Variants in PTPRN2 observed in about 807,000 individuals in gnomAD.
PTPRN2 encodes receptor-type tyrosine-protein phosphatase N2.
PTPRN2 carries 74 observed loss-of-function variants against 118.8 expected under a neutral mutation model. That is an observed-to-expected ratio of 0.62 (90% CI 0.52 to 0.76). The LOEUF is 0.76. Among genes scored for constraint, PTPRN2 ranks in the 30% least tolerant of loss-of-function variants. PTPRN2 has a pLI of 0.00. For synonymous variants in PTPRN2, 641 were observed against 608.0 expected (o/e 1.05, Z -0.80); for missense variants, 1,481 against 1,394.4 (o/e 1.06, Z -0.99).
intron 12 of PTPRN2, among the ~76,000 whole-genome samples, chr7:157,795,097 A>T (rs1250190764): frequency 7.7e-6 from 1 of 129,120 alleles, no homozygotes; most frequent in African/African-American, 3.0e-5. Flanking sequence ...TGCACCTGGG[A>T]GGCTCCTGGG....
At chr7:158,298,668 T>G (rs1308805796) in intron 3 of PTPRN2, among the ~76,000 whole-genome samples, 2 of 152,096 alleles carry the variant, frequency 1.3e-5, no homozygotes, top group African/African-American at 4.8e-5. Flanking sequence ...AGGCTTCAGA[T>G]TGGAGGAGGG....
chr7:157,720,989 G>C (rs927093295), intron 12 of PTPRN2, among the ~76,000 whole-genome samples: 5 of 152,266 alleles, frequency 3.3e-5, no homozygotes, highest in African/African-American at 9.6e-5. Flanking sequence ...AGGTAGGTGT[G>C]GGGGCTCGGG....
chr7:158,187,829 G>C (rs1025957645), intron 5 of PTPRN2, among the ~76,000 whole-genome samples: 1 of 152,324 alleles, frequency 6.6e-6, no homozygotes, highest in East Asian at 1.9e-4. Context: ...TAATTATGCT[G>C]AGTAACAGTA....
chr7:157,993,535 G>C (rs1373593637), intron 11 of PTPRN2, among the ~76,000 whole-genome samples: 1 of 152,128 alleles, frequency 6.6e-6, no homozygotes, highest in Non-Finnish European at 1.5e-5. Context: ...TCCCATGAGG[G>C]CTCAGGAAAC....
intron 12 of PTPRN2, among the ~76,000 whole-genome samples, chr7:157,810,272 G>A (rs78198683): frequency 2.8e-3 from 419 of 152,338 alleles, no homozygotes; most frequent in African/African-American, 8.9e-3. Context: ...ACCATCCCCC[G>A]TGATCCCAAA....
chr7:158,486,350 T>C (rs1256107184), intron 2 of PTPRN2, among the ~76,000 whole-genome samples: 1 of 152,246 alleles, frequency 6.6e-6, no homozygotes, highest in East Asian at 1.9e-4. Context: ...TGTGGAGTAG[T>C]TGATTATTAT....
At chr7:158,079,658 G>A (rs529182560) in intron 11 of PTPRN2, among the ~76,000 whole-genome samples, 12 of 152,310 alleles carry the variant, frequency 7.9e-5, no homozygotes, top group African/African-American at 2.2e-4. Context: ...ACCTGATCAC[G>A]GATTTGGTCT....
chr7:157,713,484 T>TA (rs113336542), intron 12 of PTPRN2, among the ~76,000 whole-genome samples: 235 of 148,560 alleles, frequency 1.6e-3, no homozygotes, highest in African/African-American at 4.3e-3. Context: ...GGATACTTTG[T>TA]AAAAAAAAAA....
chr7:157,892,792 T>C (rs1796879166), intron 12 of PTPRN2, among the ~76,000 whole-genome samples: 1 of 152,196 alleles, frequency 6.6e-6, no homozygotes, highest in South Asian at 2.1e-4. Flanking sequence ...TCCAAATATA[T>C]AAACCTCCCG....
At chr7:158,522,719 G>A (rs1824299701) in intron 1 of PTPRN2, among the ~76,000 whole-genome samples, 1 of 152,208 alleles carries the variant, frequency 6.6e-6, no homozygotes, top group African/African-American at 2.4e-5. Flanking sequence ...CGGACCACCG[G>A]AGCCAGCCCA....
At chr7:157,708,455 G>T (rs1449398403) in intron 12 of PTPRN2, among the ~76,000 whole-genome samples, 1 of 152,162 alleles carries the variant, frequency 6.6e-6, no homozygotes, top group Non-Finnish European at 1.5e-5. Flanking sequence ...TCATCCTAAA[G>T]GTTGGGCAGT....
At chr7:158,101,967 C>T (rs1815261408) in intron 10 of PTPRN2, among the ~76,000 whole-genome samples, 1 of 152,134 alleles carries the variant, frequency 6.6e-6, no homozygotes, top group Admixed American at 6.5e-5. Flanking sequence ...GCCCTGAGGT[C>T]CCAGGATCTG....
At chr7:157,709,029 A>G (rs892257507) in intron 12 of PTPRN2, among the ~76,000 whole-genome samples, 2 of 152,196 alleles carry the variant, frequency 1.3e-5, no homozygotes, top group Non-Finnish European at 2.9e-5. Context: ...GCTGGAGACT[A>G]CAGTCTGGAC....
intron 12 of PTPRN2, among the ~76,000 whole-genome samples, chr7:157,691,535 C>T (rs1379768872): frequency 6.6e-6 from 1 of 152,172 alleles, no homozygotes; most frequent in African/African-American, 2.4e-5. Context: ...GGTCCCGATG[C>T]GCGTAGAAAG....
At chr7:157,777,909 C>T (rs1803429566) in intron 12 of PTPRN2, among the ~76,000 whole-genome samples, 1 of 151,564 alleles carries the variant, frequency 6.6e-6, no homozygotes, top group Non-Finnish European at 1.5e-5. Context: ...ATGGTTTAAT[C>T]CATAATATTG....
chr7:158,500,034 A>T (rs1185342567), intron 1 of PTPRN2, among the ~76,000 whole-genome samples: 2 of 38,508 alleles, frequency 5.2e-5, no homozygotes, highest in Non-Finnish European at 1.2e-4. Flanking sequence ...CACTTGAGCT[A>T]AAAAAAAAAA....
chr7:158,149,047 A>T (rs1192691375), intron 6 of PTPRN2, among the ~76,000 whole-genome samples: 1 of 120,072 alleles, frequency 8.3e-6, no homozygotes, highest in African/African-American at 3.4e-5. Flanking sequence ...CCTCTCACTG[A>T]CACCCCATCT....
intron 3 of PTPRN2, among the ~76,000 whole-genome samples, chr7:158,265,956 G>A (rs371316034): frequency 6.6e-6 from 1 of 152,220 alleles, no homozygotes; most frequent in Non-Finnish European, 1.5e-5. Context: ...ACCCCACAGA[G>A]GCGCAGGGCT....
At chr7:158,433,034 G>C (rs948066891) in intron 2 of PTPRN2, among the ~76,000 whole-genome samples, 4 of 152,154 alleles carry the variant, frequency 2.6e-5, no homozygotes, top group African/African-American at 4.8e-5. Flanking sequence ...CTGTAGGTCC[G>C]TGGAATCACA....
Sources: allele counts gnomAD v4.1 joint callset (sites outside exome capture counted in the v4.1 genomes callset), GRCh38; gene constraint gnomAD v4.1.1; transcripts MANE v1.5; gene names NCBI Gene and HGNC (gene_info 2026-07-23, HGNC 2026-07-21).